The following GSTO2 variants were observed in gnomAD, a reference collection of about 807,000 sequenced individuals.
GSTO2 encodes the protein glutathione S-transferase omega-2.
GSTO2 carries 23 observed loss-of-function variants against 28.4 expected under a neutral mutation model. That is an observed-to-expected ratio of 0.81 (90% CI 0.58 to 1.15). The LOEUF (loss-of-function observed/expected upper bound fraction) is 1.15. Ranked by LOEUF, GSTO2 falls within the 50% of genes most tolerant of loss-of-function variation. The pLI is 0.00. For missense variants in GSTO2, 298 were observed against 297.8 expected, an observed-to-expected ratio of 1.00 and a Z score of 0.00; for synonymous variants, 109 against 111.0, an observed-to-expected ratio of 0.98 and a Z score of 0.11.
Position 104,302,657 on chromosome 10 carries a change from T to C in GSTO2, c.*3373T>C, listed in dbSNP as rs1425834638. On this transcript the variant is annotated 3_prime_UTR_variant, in exon 7 of 7. Transcript: ENST00000338595. ...TTTCGTGTTGAAATGTAATCCCCAA[T>C]GCTGGTGGGAGGTGATTGGATCATG... 1 of 152,270 alleles carries C rather than the reference T, an allele frequency of 6.6e-6. No homozygotes were observed. The highest frequency in any genetic ancestry group is 6.5e-5 in the Admixed American group (1 of 15,282). The allele number at this position is 152,270 out of a possible 1,614,324, so 9.4% of individuals were successfully genotyped here.
rs34145840 is a variant in GSTO2 at position 104,297,581 on chromosome 10, C to A, written c.472C>A (p.Leu158Ile). ...TTTGCTTTGTTTCCATTTTTAGATT[C>A]TTGAGTATCAGAACACCACCTTCTT... ...RQEFSNLEEI[L>I]EYQNTTFFGG... is the part of the protein sequence containing the mutation. The change falls in exon 6 of 7, where the codon CTT becomes ATT. Residue 158 changes from leucine (L) to isoleucine (I), a missense_variant. Leu to Ile is a conservative substitution (Grantham distance 5). Transcript: ENST00000338595. 174 of 1,603,648 alleles carry A rather than the reference C, an allele frequency of 1.1e-4. No homozygotes were observed. The highest frequency in any genetic ancestry group is 1.4e-4 in the Non-Finnish European group (160 of 1,171,090).
chr10:104,292,667 G>A (rs147820632), intron 5 of GSTO2, among the ~76,000 whole-genome samples: 1 of 151,942 alleles, frequency 6.6e-6, no homozygotes, highest in African/African-American at 2.4e-5. Flanking sequence ...TGTTGCCCAC[G>A]CTAGTCTCGA....
intron 4 of GSTO2, 114 bp downstream of exon 4, chr10:104,278,230 G>A: frequency 1.3e-6 from 1 of 760,448 alleles, no homozygotes; most frequent in South Asian, 1.7e-5. Flanking sequence ...TTGATACCAT[G>A]TGATCCTCAG....
chr10:104,279,384 C>A lies in GSTO2; in HGVS notation c.381C>A (p.Thr127=). 1 of 1,613,792 alleles carries A rather than the reference C, an allele frequency of 6.2e-7. No homozygotes were observed. Residue 127 remains threonine (T), a synonymous_variant, in exon 5 of 7, where the codon ACC becomes ACA. Transcript: ENST00000338595. ...CCTCTGATTAGGTCCCACATTTGAC[C>A]AAGGAGTGCCTGGTAGCGTTGAGAT... is the stretch of plus-strand genomic sequence containing the variant. ...LELFCKVPHL[T]KECLVALRCG... is the part of the protein sequence containing the mutation.
chr10:104,297,880 G>C (rs1190508101), intron 6 of GSTO2, among the ~76,000 whole-genome samples, 196 bp downstream of exon 6: 1 of 152,148 alleles, frequency 6.6e-6, no homozygotes, highest in African/African-American at 2.4e-5. Context: ...CACTTTGCCC[G>C]CATTTCTGCA....
chr10:104,287,709 A>G (rs11191988), intron 5 of GSTO2, among the ~76,000 whole-genome samples: 9,286 of 151,932 alleles, frequency 0.061, 970 homozygotes, highest in African/African-American at 0.21. Context: ...CCTCCTAGTA[A>G]TGTCTCACAC....
chr10:104,280,561 T>A (rs1031943239), intron 5 of GSTO2, among the ~76,000 whole-genome samples: 4 of 152,140 alleles, frequency 2.6e-5, no homozygotes, highest in Non-Finnish European at 5.9e-5. Flanking sequence ...AAATCAGAGG[T>A]CTGTAATTAA....
chr10:104,289,953 G>A (rs554318198), intron 5 of GSTO2, among the ~76,000 whole-genome samples: 1 of 152,304 alleles, frequency 6.6e-6, no homozygotes, highest in South Asian at 2.1e-4. Context: ...TGAGGATGTG[G>A]AGAAAAGGGA....
chr10:104,279,066 T>G (rs560809952), intron 4 of GSTO2, among the ~76,000 whole-genome samples: 65 of 152,296 alleles, frequency 4.3e-4, no homozygotes, highest in African/African-American at 1.5e-3. Flanking sequence ...ATGAGAACAC[T>G]GAGGCTTAGA....
chr10:104,275,002 G>C (rs1262760167), intron 2 of GSTO2, 53 bp downstream of exon 2: 1 of 1,559,230 alleles, frequency 6.4e-7, no homozygotes, highest in Admixed American at 2.1e-5. Context: ...GACAGAAAAT[G>C]TTGGCTTCGG....
intron 5 of GSTO2, among the ~76,000 whole-genome samples, chr10:104,287,111 G>A (rs1176351229): frequency 2.0e-5 from 3 of 151,948 alleles, no homozygotes; most frequent in Middle Eastern, 6.3e-3. Flanking sequence ...TGGAATGCAG[G>A]GTGCAATCAC....
intron 5 of GSTO2, among the ~76,000 whole-genome samples, chr10:104,289,749 C>T (rs1415621941): frequency 2.0e-5 from 3 of 152,120 alleles, no homozygotes; most frequent in Non-Finnish European, 4.4e-5. Flanking sequence ...TTTATGAGCT[C>T]AAAACATTTC....
intron 5 of GSTO2, among the ~76,000 whole-genome samples, chr10:104,290,929 TG>T (rs2012736003): frequency 6.6e-6 from 1 of 152,314 alleles, no homozygotes; most frequent in African/African-American, 2.4e-5. Flanking sequence ...GATAAATGCT[TG>T]GGGGAGTGGA....
In GSTO2 at chr10:104,292,270, A is replaced by G. The variant is rs376381641; in HGVS notation, c.469-5308A>G. Among the ~76,000 whole-genome samples the G allele has an allele frequency of 2.0e-5, 3 of 148,046 alleles. No individual in the cohort carries two copies. The East Asian group carries it at 6.0e-4, about 30-fold the overall frequency. The stretch of plus-strand genomic sequence containing the variant: ...TTGTTGCCCAGGCTGGAGGGCAGTG[A>G]TGTGATCATAGCTCACTACAGCCTC... On this transcript the variant is annotated intron_variant, in intron 5 of 6. Coordinates refer to ENST00000338595, the MANE Select transcript of GSTO2 (RefSeq NM_183239.2).
At chr10:104,274,591 G>C (rs534161958) in intron 1 of GSTO2, 94 bp from the exon 2 acceptor site, 1 of 445,786 alleles carries the variant, frequency 2.2e-6, no homozygotes, top group African/African-American at 2.1e-5. Context: ...AGGGATTCTT[G>C]ATGTAGAGGA....
At chr10:104,297,387 C>G in intron 5 of GSTO2, 191 bp from the exon 6 acceptor site, 1 of 461,424 alleles carries the variant, frequency 2.2e-6, no homozygotes, top group Non-Finnish European at 4.0e-6. Flanking sequence ...CAGAGGTGGC[C>G]AGGAGTGTGA....
At position 104,303,325 on chromosome 10, in the gene GSTO2, A is replaced by G. The variant is rs1025311818; in HGVS notation, c.*4041A>G. 2.6e-5 allele frequency: 4 copies of G among 152,228 alleles called. No individual in the cohort carries two copies. The highest frequency in any genetic ancestry group is 2.6e-4 in the Admixed American group (4 of 15,282). The allele number at this position is 152,228 out of a possible 1,614,324, so 9.4% of individuals were successfully genotyped here. A position where few individuals can be genotyped will look rare whatever the true frequency, so the allele number is the denominator to read the frequency against. On this transcript the variant is annotated 3_prime_UTR_variant, in exon 7 of 7. Transcript: ENST00000338595. ...AGGCCAGGCTGAGGAGGTGATGGAA[A>G]TGAGGAACTTACTGGGAACTGGAGC...
intron 5 of GSTO2, among the ~76,000 whole-genome samples, chr10:104,285,545 G>A (rs571465261): frequency 7.9e-4 from 121 of 152,300 alleles, no homozygotes; most frequent in Non-Finnish European, 1.4e-3. Context: ...AGCCTCCTGG[G>A]CTCAAGTGAT....
chr10:104,299,135 A>T lies in GSTO2; in HGVS notation c.583A>T (p.Ser195Cys). ...TTCTTTCCTGTCTTGCAGCTGTGTG[A>T]GCCACACGCCAGCCCTGCGGCTCTG... ...LDVYGILDCV[S>C]HTPALRLWIS... The change falls in exon 7 of 7, where the codon AGC becomes TGC. Residue 195 changes from serine (S) to cysteine (C), a missense_variant. Coordinates refer to ENST00000338595, the MANE Select transcript of GSTO2 (RefSeq NM_183239.2). The T allele has an allele frequency of 9.3e-6, 15 of 1,613,564 alleles. No homozygotes were observed. The highest frequency in any genetic ancestry group is 1.3e-5 in the Non-Finnish European group (15 of 1,179,742).
Sources: gnomAD v4.1 joint callset for allele counts (sites outside exome capture counted in the v4.1 genomes callset) on GRCh38, gnomAD v4.1.1 for gene constraint, MANE v1.5 for transcripts, NCBI Gene and HGNC (gene_info 2026-07-23, HGNC 2026-07-21) for gene names.